Variants in LOXHD1 observed in about 807,000 individuals in gnomAD.
LOXHD1 encodes the protein lipoxygenase homology domain-containing protein 1.
In LOXHD1, 205 loss-of-function variants were observed where a neutral mutation model predicts 248.2. That is an observed-to-expected ratio of 0.83 (90% CI 0.74 to 0.93). The LOEUF (loss-of-function observed/expected upper bound fraction) is 0.93. Among genes scored for constraint, LOXHD1 ranks in the 40% least tolerant of loss-of-function variants. The probability of loss-of-function intolerance (pLI) is 0.00; values close to 1 mark genes in which losing one functional copy is unlikely to be tolerated. For synonymous variants in LOXHD1, 1,113 were observed against 1,162.8 expected (o/e 0.96, Z 0.87); for missense variants, 2,930 against 2,971.6 (o/e 0.99, Z 0.33).
intron 5 of LOXHD1, among the ~76,000 whole-genome samples, chr18:46,614,650 G>A (rs1468824368): frequency 6.6e-6 from 1 of 151,890 alleles, no homozygotes. Flanking sequence ...GCACACCAAC[G>A]TGGCACATGT....
At chr18:46,490,498 G>A (rs1318458184) in intron 37 of LOXHD1, among the ~76,000 whole-genome samples, 5 of 152,164 alleles carry the variant, frequency 3.3e-5, no homozygotes, top group Non-Finnish European at 7.4e-5. Flanking sequence ...TTTATGAGAC[G>A]GAGTTTCACC....
intron 8 of LOXHD1, among the ~76,000 whole-genome samples, chr18:46,598,641 C>T (rs1221757469): frequency 2.0e-5 from 3 of 152,030 alleles, no homozygotes; most frequent in Non-Finnish European, 4.4e-5. Flanking sequence ...CCGGAAAATA[C>T]TTCTATTTCT....
At chr18:46,484,099 G>T (rs754481280) in intron 39 of LOXHD1, among the ~76,000 whole-genome samples, 1 of 152,124 alleles carries the variant, frequency 6.6e-6, no homozygotes, top group Non-Finnish European at 1.5e-5. Context: ...GAACAGTGGG[G>T]TGTGGAGGTG....
At chr18:46,649,612 T>G (rs1439695504) in intron 1 of LOXHD1, among the ~76,000 whole-genome samples, 1 of 152,124 alleles carries the variant, frequency 6.6e-6, no homozygotes, top group Non-Finnish European at 1.5e-5. Context: ...AGACATGGCC[T>G]TCTTCAGAGC....
intron 25 of LOXHD1, 21 bp from the exon 26 acceptor site, chr18:46,538,358 GC>G (rs1056801548): frequency 2.0e-6 from 3 of 1,537,698 alleles, no homozygotes; most frequent in Non-Finnish European, 2.6e-6. Context: ...TGGTCAGAGG[GC>G]AAAGCCAGAG....
At chr18:46,557,569 C>A (rs901092648) in intron 20 of LOXHD1, 80 bp from the exon 21 acceptor site, 5 of 1,519,772 alleles carry the variant, frequency 3.3e-6, no homozygotes, top group African/African-American at 2.8e-5. Flanking sequence ...TCCCAAGAAC[C>A]AGGGCAGCCA....
At chr18:46,590,807 A>C (rs1176686524) in intron 12 of LOXHD1, among the ~76,000 whole-genome samples, 1 of 152,138 alleles carries the variant, frequency 6.6e-6, no homozygotes, top group Admixed American at 6.5e-5. Flanking sequence ...CATGGCAAGA[A>C]CGTCCTCAGC....
At chr18:46,532,049 T>G (rs1237284548) in intron 28 of LOXHD1, among the ~76,000 whole-genome samples, 18 of 152,210 alleles carry the variant, frequency 1.2e-4, no homozygotes, top group Admixed American at 1.2e-3. Flanking sequence ...TCTTATCCAC[T>G]TGGTGGGCAG....
chr18:46,620,433 T>C (rs777460172), intron 4 of LOXHD1, among the ~76,000 whole-genome samples: 16 of 152,106 alleles, frequency 1.1e-4, no homozygotes, highest in Non-Finnish European at 1.6e-4. Flanking sequence ...CTGCACACAG[T>C]GAAGCAGGAG....
intron 12 of LOXHD1, among the ~76,000 whole-genome samples, chr18:46,591,235 T>G (rs771280507): frequency 2.6e-4 from 39 of 152,232 alleles, no homozygotes; most frequent in Non-Finnish European, 3.1e-4. Context: ...GCCACAAGGA[T>G]AGCAAATGGG....
At chr18:46,594,500 G>A (rs1157520470) in intron 8 of LOXHD1, 34 bp from the exon 9 acceptor site, 1 of 1,550,362 alleles carries the variant, frequency 6.5e-7, no homozygotes, top group Middle Eastern at 2.0e-4. Context: ...CTCCGGCATT[G>A]AGTCTCCAGT....
chr18:46,622,724 T>C (rs1319743164), intron 4 of LOXHD1, among the ~76,000 whole-genome samples: 1 of 152,188 alleles, frequency 6.6e-6, no homozygotes, highest in Non-Finnish European at 1.5e-5. Flanking sequence ...ATGCCCATTG[T>C]GAATGAGCAG....
At chr18:46,633,554 T>C (rs1349557965) in intron 4 of LOXHD1, among the ~76,000 whole-genome samples, 3 of 152,188 alleles carry the variant, frequency 2.0e-5, no homozygotes, top group South Asian at 2.1e-4. Flanking sequence ...CTTCATGACA[T>C]TGACCTTGGC....
At chr18:46,558,799 A>G (rs2037439337) in intron 20 of LOXHD1, among the ~76,000 whole-genome samples, 2 of 152,116 alleles carry the variant, frequency 1.3e-5, no homozygotes. Context: ...AGAGTAAGGT[A>G]TGTGTATTTC....
At chr18:46,577,516 G>A (rs2037880384) in intron 14 of LOXHD1, among the ~76,000 whole-genome samples, 191 bp downstream of exon 14, 1 of 151,946 alleles carries the variant, frequency 6.6e-6, no homozygotes, top group South Asian at 2.1e-4. Context: ...GTTCATCACG[G>A]TGGTAGGGGG....
intron 29 of LOXHD1, 137 bp downstream of exon 29, chr18:46,529,040 A>G (rs1246542638): frequency 9.4e-7 from 1 of 1,062,916 alleles, no homozygotes; most frequent in African/African-American, 1.6e-5. Flanking sequence ...AGGGAAGGGC[A>G]AGGGCAGAGG....
At chr18:46,649,486 C>G (rs777005720) in intron 1 of LOXHD1, among the ~76,000 whole-genome samples, 1 of 152,180 alleles carries the variant, frequency 6.6e-6, no homozygotes, top group Admixed American at 6.5e-5. Flanking sequence ...GTTTTGCACA[C>G]GAGGAGGCTG....
chr18:46,639,367 C>T (rs1457674533), intron 4 of LOXHD1, among the ~76,000 whole-genome samples: 1 of 152,240 alleles, frequency 6.6e-6, no homozygotes, highest in African/African-American at 2.4e-5. Flanking sequence ...CTGTGCCTAT[C>T]CTTCCATCAT....
At chr18:46,547,500 C>G (rs412364) in intron 21 of LOXHD1, among the ~76,000 whole-genome samples, 1 of 152,204 alleles carries the variant, frequency 6.6e-6, no homozygotes, top group Admixed American at 6.5e-5. Flanking sequence ...CCAATTATGT[C>G]TGCTTTCAGA....
Sources: gnomAD v4.1 joint callset for allele counts (sites outside exome capture counted in the v4.1 genomes callset) on GRCh38, gnomAD v4.1.1 for gene constraint, MANE v1.5 for transcripts, NCBI Gene and HGNC (gene_info 2026-07-23, HGNC 2026-07-21) for gene names.